GNAO1: variants seen among roughly 807,000 people sequenced by gnomAD.
GNAO1 encodes the protein guanine nucleotide-binding protein G(o) subunit alpha.
For missense variants in GNAO1, 166 were observed against 478.7 expected (o/e 0.35, Z 6.10); for synonymous variants, 164 against 180.7 (o/e 0.91, Z 0.74).
chr16:56,301,222 C>T (rs1174033955), intron 3 of GNAO1: 2 of 152,226 alleles, frequency 1.3e-5, no homozygotes, highest in East Asian at 1.9e-4. Flanking sequence ...GCTAACAATA[C>T]GATTGATGGG....
intron 2 of GNAO1, chr16:56,226,561 C>T (rs75451287): frequency 0.017 from 2,624 of 152,230 alleles, 47 homozygotes; most frequent in South Asian, 0.052. Flanking sequence ...ATGGGGATGC[C>T]GTCTACTGAG....
At chr16:56,220,251 T>G (rs570911150) in intron 2 of GNAO1, among the ~76,000 whole-genome samples, 2 of 152,122 alleles carry the variant, frequency 1.3e-5, no homozygotes, top group Admixed American at 6.5e-5. Context: ...AAAAATCACC[T>G]CTATATCCTA....
intron 2 of GNAO1, among the ~76,000 whole-genome samples, chr16:56,242,993 G>A (rs1371346583): frequency 5.9e-5 from 9 of 151,996 alleles, no homozygotes; most frequent in African/African-American, 1.7e-4. Flanking sequence ...ATCAGAAGGA[G>A]CATTAGATTC....
chr16:56,233,390 T>C (rs1227627835), intron 2 of GNAO1, among the ~76,000 whole-genome samples: 4 of 152,192 alleles, frequency 2.6e-5, no homozygotes, highest in Admixed American at 2.6e-4. Flanking sequence ...GTCTTCTATG[T>C]ATGGAGAGCA....
At chr16:56,285,886 T>C (rs1488201604) in intron 3 of GNAO1, among the ~76,000 whole-genome samples, 1 of 152,198 alleles carries the variant, frequency 6.6e-6, no homozygotes, top group African/African-American at 2.4e-5. Flanking sequence ...GGGACCTCAT[T>C]TGGTCCAAGC....
At chr16:56,352,704 T>G (rs551291494) in intron 7 of GNAO1, 7 of 152,474 alleles carry the variant, frequency 4.6e-5, no homozygotes, top group African/African-American at 1.4e-4. Context: ...GAAGAAGGGC[T>G]GTCAGCTTGT....
intron 2 of GNAO1, among the ~76,000 whole-genome samples, chr16:56,269,576 C>G (rs1197386624): frequency 6.6e-6 from 1 of 152,208 alleles, no homozygotes; most frequent in Non-Finnish European, 1.5e-5. Flanking sequence ...GATGCGGAAA[C>G]AAGCACCCGG....
chr16:56,318,197 G>A (rs961982584), intron 3 of GNAO1, among the ~76,000 whole-genome samples: 3 of 152,192 alleles, frequency 2.0e-5, no homozygotes, highest in African/African-American at 4.8e-5. Context: ...AGGGAGGGGC[G>A]GGGGGCTCTC....
chr16:56,205,086 A>G (rs926186968), intron 2 of GNAO1, among the ~76,000 whole-genome samples: 3 of 152,250 alleles, frequency 2.0e-5, no homozygotes, highest in African/African-American at 7.2e-5. Context: ...AAACTGGGAC[A>G]TCAGCTCAGG....
intron 2 of GNAO1, among the ~76,000 whole-genome samples, chr16:56,227,257 T>C (rs1488741218): frequency 6.6e-6 from 1 of 152,202 alleles, no homozygotes; most frequent in East Asian, 1.9e-4. Flanking sequence ...TTCCCTGCTG[T>C]CTCACCACCT....
chr16:56,334,948 T>G, intron 5 of GNAO1, 91 bp downstream of exon 5: 2 of 1,386,762 alleles, frequency 1.4e-6, no homozygotes, highest in Non-Finnish European at 2.0e-6. Flanking sequence ...CGCCCAAACA[T>G]CATCCTGCCC....
intron 2 of GNAO1, among the ~76,000 whole-genome samples, chr16:56,248,122 A>G (rs769351905): frequency 3.3e-5 from 5 of 152,250 alleles, no homozygotes; most frequent in Admixed American, 6.5e-5. Flanking sequence ...TAAGAAAAGC[A>G]TGCACAATTC....
chr16:56,347,103 G>A, intron 6 of GNAO1: 1 of 985,438 alleles, frequency 1.0e-6, no homozygotes, highest in Non-Finnish European at 1.2e-6. Context: ...GCAGTCCCAG[G>A]TGGATATTTA....
intron 3 of GNAO1, among the ~76,000 whole-genome samples, chr16:56,298,949 A>G (rs1326591121): frequency 6.6e-6 from 1 of 152,110 alleles, no homozygotes; most frequent in Non-Finnish European, 1.5e-5. Flanking sequence ...TAAATAAAAC[A>G]TATGAATATA....
In GNAO1 at chr16:56,334,735, G is replaced by A. The variant is rs1378193753; in HGVS notation, c.471G>A (p.Leu157=). ...TGTTTGTTGCCATCCTCAGCTACCT[G>A]GACAGCCTGGATCGGATTGGGGCCG... ...YQLNDSAKYY[L]DSLDRIGAAD... The change falls in exon 5 of 9, where the codon CTG becomes CTA. Residue 157 remains leucine (L), a synonymous_variant. Coordinates refer to ENST00000262493, the MANE Select transcript of GNAO1 (RefSeq NM_020988.3). The A allele has an allele frequency of 6.2e-7, 1 of 1,613,864 alleles. No individual in the cohort carries two copies. The highest frequency in any genetic ancestry group is 8.5e-7 in the Non-Finnish European group (1 of 1,180,020).
intron 2 of GNAO1, among the ~76,000 whole-genome samples, chr16:56,243,670 G>T (rs2036715219): frequency 1.3e-5 from 2 of 149,846 alleles, no homozygotes; most frequent in African/African-American, 5.0e-5. Context: ...GTGACAGCTA[G>T]AGGCTACAGG....
intron 2 of GNAO1, among the ~76,000 whole-genome samples, chr16:56,222,298 A>G (rs1274523250): frequency 6.6e-6 from 1 of 152,134 alleles, no homozygotes; most frequent in African/African-American, 2.4e-5. Flanking sequence ...CTTGATTTGC[A>G]AAGTGCTTTG....
chr16:56,199,581 A>G (rs1250564905), intron 2 of GNAO1, among the ~76,000 whole-genome samples: 3 of 152,180 alleles, frequency 2.0e-5, no homozygotes, highest in African/African-American at 7.2e-5. Flanking sequence ...ACTGTATTTT[A>G]ATTTTGATTC....
chr16:56,307,565 G>A (rs1425263720), intron 3 of GNAO1: 2 of 152,124 alleles, frequency 1.3e-5, no homozygotes, highest in East Asian at 3.9e-4. Context: ...TCTCTCACAG[G>A]AGCCCTGGGA....
Sources: gnomAD v4.1 joint callset for allele counts (sites outside exome capture counted in the v4.1 genomes callset) on GRCh38, gnomAD v4.1.1 for gene constraint, MANE v1.5 for transcripts, NCBI Gene and HGNC (gene_info 2026-07-23, HGNC 2026-07-21) for gene names.